The following KANK1 variants were observed in gnomAD, a reference collection of about 807,000 sequenced individuals.
KANK1 encodes KN motif and ankyrin repeat domains 1.
A neutral mutation model predicts 106.2 loss-of-function variants in KANK1; 109 were observed. That is an observed-to-expected ratio of 1.03 (90% CI 0.88 to 1.20). KANK1 has a LOEUF of 1.20. KANK1 is among the 50% of genes most tolerant of loss of function. The pLI, the probability that KANK1 is intolerant of heterozygous loss-of-function variation, is 0.00. For missense variants in KANK1, 2,399 were observed against 1,710.7 expected (o/e 1.40, Z -7.10); for synonymous variants, 873 against 652.2 (o/e 1.34, Z -5.16).
chr9:482,615 C>T (rs1329674049), intron 3 of KANK1, among the ~76,000 whole-genome samples: 1 of 152,220 alleles, frequency 6.6e-6, no homozygotes, highest in Admixed American at 6.5e-5. Flanking sequence ...CAAAAACTGA[C>T]TACAATCACA....
At chr9:581,508 A>G (rs1822147718) in intron 1 of KANK1, among the ~76,000 whole-genome samples, 1 of 64,722 alleles carries the variant, frequency 1.5e-5, no homozygotes, top group Non-Finnish European at 3.1e-5. Context: ...ATAGGTTACT[A>G]GCTATGAACC....
At chr9:586,706 A>AG (rs1314014176) in intron 1 of KANK1, among the ~76,000 whole-genome samples, 3 of 152,190 alleles carry the variant, frequency 2.0e-5, no homozygotes, top group Admixed American at 6.5e-5. Flanking sequence ...AAACACACGG[A>AG]GGAGGAGAAC....
At chr9:730,540 A>G (rs1831943627) in intron 4 of KANK1, 1 of 368,826 alleles carries the variant, frequency 2.7e-6, no homozygotes, top group South Asian at 2.2e-5. Context: ...AAAAAATACA[A>G]AAATTAGCCA....
At chr9:724,497 CTACAAAG>C (rs1216170567) in intron 3 of KANK1, among the ~76,000 whole-genome samples, 1 of 152,148 alleles carries the variant, frequency 6.6e-6, no homozygotes, top group African/African-American at 2.4e-5. Context: ...AAGCATTTCT[CTACAAAG>C]AGTGTTCTGG....
rs1450687741 is a variant in KANK1, at chr9:573,120, C to G, written c.-84+68366C>G. On this transcript the variant is annotated intron_variant, in intron 1 of 11. Transcript: ENST00000382297. ...ATGCTGATATGCTGCTGCAGTCAGT[C>G]AAGTGCTGCGTGAGTTGATGTCATT... Among the ~76,000 whole-genome samples, 4 of 152,120 alleles carry G rather than the reference C, an allele frequency of 2.6e-5. No individual in the cohort carries two copies. In the South Asian group the frequency reaches 8.3e-4, roughly 32 times the overall value.
At chr9:507,696 A>G (rs1280584060) in intron 1 of KANK1, among the ~76,000 whole-genome samples, 3 of 151,552 alleles carry the variant, frequency 2.0e-5, no homozygotes, top group Non-Finnish European at 4.4e-5. Context: ...AGCTGGGACT[A>G]CAGGCACCGT....
chr9:694,648 C>T (rs1230255458), intron 2 of KANK1, among the ~76,000 whole-genome samples: 1 of 152,208 alleles, frequency 6.6e-6, no homozygotes, highest in Non-Finnish European at 1.5e-5. Flanking sequence ...GCCTCCCTAG[C>T]ACAATGTGCC....
chr9:566,439 C>T (rs1041608506), intron 1 of KANK1, among the ~76,000 whole-genome samples: 43 of 152,206 alleles, frequency 2.8e-4, no homozygotes, highest in African/African-American at 9.2e-4. Context: ...ATCACATTGT[C>T]TTCCACAGTG....
chr9:657,950 C>T (rs900787874), intron 1 of KANK1, among the ~76,000 whole-genome samples: 1 of 152,016 alleles, frequency 6.6e-6, no homozygotes, highest in Non-Finnish European at 1.5e-5. Context: ...TGGCTCTTCA[C>T]AGGTGCAATC....
chr9:650,727 C>T (rs529069018), intron 1 of KANK1, among the ~76,000 whole-genome samples: 2 of 151,952 alleles, frequency 1.3e-5, no homozygotes, highest in South Asian at 2.1e-4. Context: ...TAAGTATTGT[C>T]CCCGGTCTCT....
intron 1 of KANK1, among the ~76,000 whole-genome samples, chr9:615,478 TAAG>T (rs978289900): frequency 6.6e-6 from 1 of 152,122 alleles, no homozygotes; most frequent in African/African-American, 2.4e-5. Context: ...TTATGCTAGT[TAAG>T]AAGAGGGGGA....
intron 1 of KANK1, among the ~76,000 whole-genome samples, chr9:614,031 C>T (rs749213027): frequency 7.2e-5 from 11 of 152,286 alleles, no homozygotes; most frequent in African/African-American, 2.2e-4. Flanking sequence ...CTCTGGGTGG[C>T]ACTGGAGGGC....
At chr9:743,565 G>A (rs776973099) in intron 10 of KANK1, among the ~76,000 whole-genome samples, 4 of 152,144 alleles carry the variant, frequency 2.6e-5, no homozygotes, top group South Asian at 2.1e-4. Flanking sequence ...AGGGAAATCC[G>A]TATTTCAAGA....
chr9:562,346 C>G (rs995399933), intron 1 of KANK1, among the ~76,000 whole-genome samples: 11 of 152,156 alleles, frequency 7.2e-5, no homozygotes, highest in African/African-American at 2.7e-4. Flanking sequence ...GCCACCGCGC[C>G]CGGCCCAAGT....
intron 1 of KANK1, among the ~76,000 whole-genome samples, chr9:595,924 C>A (rs1044413896): frequency 6.6e-6 from 1 of 151,846 alleles, no homozygotes; most frequent in Admixed American, 6.5e-5. Flanking sequence ...CTATCCCAAA[C>A]GCTTGGGACT....
At chr9:650,817 A>T (rs937168958) in intron 1 of KANK1, among the ~76,000 whole-genome samples, 3 of 152,158 alleles carry the variant, frequency 2.0e-5, no homozygotes, top group East Asian at 1.9e-4. Flanking sequence ...CAGTCCATGG[A>T]TTTGTAATTC....
chr9:711,155 C>A lies in KANK1; in HGVS notation c.389C>A (p.Pro130His). ...KPPPPLETSL[P>H]FLTIPENRQL... Reference sequence around the variant, plus strand: ...CCTCCCCCTCTGGAGACCTCACTCCCTTTTCTTACCATCCCAGAAAATCGA... The same window carrying A: ...CCTCCCCCTCTGGAGACCTCACTCCATTTTCTTACCATCCCAGAAAATCGA... The change falls in exon 3 of 12, where the codon CCT (proline) becomes CAT (histidine). Residue 130 changes from proline (P) to histidine (H), a missense_variant. Physicochemically the swap from Pro to His is moderately conservative, Grantham distance 77. Coordinates refer to ENST00000382297, the MANE Select transcript of KANK1 (RefSeq NM_015158.5). 4 of 1,614,200 alleles carry A rather than the reference C, an allele frequency of 2.5e-6. No homozygotes were observed. Among genetic ancestry groups the A allele is most frequent in the Non-Finnish European group, 3.4e-6 (4 of 1,180,032 alleles).
chr9:509,618 T>C (rs1047189918), intron 1 of KANK1, among the ~76,000 whole-genome samples: 2 of 152,222 alleles, frequency 1.3e-5, no homozygotes, highest in African/African-American at 4.8e-5. Context: ...TAGAAATGTG[T>C]GTTAATTTCT....
intron 3 of KANK1, among the ~76,000 whole-genome samples, chr9:486,663 T>C (rs1291479186): frequency 6.6e-6 from 1 of 152,200 alleles, no homozygotes; most frequent in Non-Finnish European, 1.5e-5. Flanking sequence ...TAACATAAGC[T>C]TTTAATCAGT....
Sources: allele counts gnomAD v4.1 joint callset (sites outside exome capture counted in the v4.1 genomes callset), GRCh38; gene constraint gnomAD v4.1.1; transcripts MANE v1.5; gene names NCBI Gene and HGNC (gene_info 2026-07-23, HGNC 2026-07-21).